SMPDL3A: variants seen among roughly 807,000 people sequenced by gnomAD.
SMPDL3A encodes cyclic GMP-AMP phosphodiesterase SMPDL3A.
Under a neutral mutation model 38.5 loss-of-function variants are expected in SMPDL3A, and 39 were observed. That is an observed-to-expected ratio of 1.01 (90% CI 0.78 to 1.32). The LOEUF is 1.32. Ranked by LOEUF, SMPDL3A falls within the 40% of genes most tolerant of loss-of-function variation. The pLI, the probability that SMPDL3A is intolerant of heterozygous loss-of-function variation, is 0.00. For synonymous variants in SMPDL3A, 180 were observed against 194.3 expected (o/e 0.93, Z 0.61); for missense variants, 502 against 536.2 (o/e 0.94, Z 0.63).
intron 1 of SMPDL3A, 66 bp downstream of exon 1, chr6:122,789,524 A>G: frequency 7.4e-7 from 1 of 1,354,464 alleles, no homozygotes; most frequent in Non-Finnish European, 1.0e-6. Context: ...GCCTGCGCAC[A>G]GCAGGAGAAA....
chr6:122,803,055 GCATAGTGAGTAGGCT>G (rs1781477993), intron 4 of SMPDL3A, among the ~76,000 whole-genome samples: 1 of 152,220 alleles, frequency 6.6e-6, no homozygotes. Flanking sequence ...GGAAAGCCGT[GCATAGTGAGTAGGCT>G]CAGGGCAAAG....
intron 7 of SMPDL3A, 67 bp downstream of exon 7, chr6:122,806,424 T>C: frequency 1.3e-6 from 2 of 1,498,796 alleles, no homozygotes; most frequent in Non-Finnish European, 1.8e-6. Context: ...ATTAATTTAG[T>C]TGAATTTTTC....
chr6:122,804,989 G>A lies in SMPDL3A; in HGVS notation c.819G>A (p.Glu273=), dbSNP rs955688190. ...CAGCAATGAGAGAATACTATAATGA[G>A]AAATTGATAGATATTTTTCAAAAAT... ...NITAMREYYN[E]KLIDIFQKYS... is the part of the protein sequence containing the mutation. The change falls in exon 6 of 8, where the codon GAG becomes GAA. Residue 273 remains glutamate (E), a synonymous_variant. Coordinates refer to ENST00000368440, the MANE Select transcript of SMPDL3A (RefSeq NM_006714.5). 12 of 1,613,302 alleles carry A rather than the reference G, an allele frequency of 7.4e-6. No homozygotes were observed. Among genetic ancestry groups the A allele is most frequent in the Non-Finnish European group, 1.0e-5 (12 of 1,179,700 alleles).
intron 1 of SMPDL3A, among the ~76,000 whole-genome samples, chr6:122,791,416 A>T (rs55846058): frequency 0.023 from 3,562 of 152,300 alleles, 48 homozygotes; most frequent in Non-Finnish European, 0.036. Context: ...ATGAGACTGA[A>T]AACCTAACTT....
intron 1 of SMPDL3A, 134 bp from the exon 2 acceptor site, chr6:122,795,543 A>G (rs1041381954): frequency 1.5e-6 from 1 of 661,310 alleles, no homozygotes; most frequent in South Asian, 2.0e-5. Context: ...TTCGAGGCTT[A>G]TGAACATTTA....
At chr6:122,792,808 C>T (rs1298962411) in intron 1 of SMPDL3A, among the ~76,000 whole-genome samples, 1 of 152,032 alleles carries the variant, frequency 6.6e-6, no homozygotes, top group African/African-American at 2.4e-5. Flanking sequence ...TCTCAAAATC[C>T]TGAGCTCAAG....
intron 1 of SMPDL3A, among the ~76,000 whole-genome samples, chr6:122,790,694 GT>G (rs1323421559): frequency 6.6e-6 from 1 of 152,188 alleles, no homozygotes; most frequent in Non-Finnish European, 1.5e-5. Flanking sequence ...TCCCCAAAAT[GT>G]TTATGTATAC....
In SMPDL3A at chr6:122,796,807, T is replaced by C; in HGVS notation, c.327-17T>C. On this transcript the variant is annotated splice_polypyrimidine_tract_variant and intron_variant, in intron 2 of 7. Coordinates refer to ENST00000368440, the MANE Select transcript of SMPDL3A (RefSeq NM_006714.5). The stretch of plus-strand genomic sequence containing the variant: ...ATGAAACTGATTTTGTTCTTTACAA[T>C]CTCTCTCTTTTTTCAGGGATAGCCC... 6.2e-7 allele frequency: 1 copy of C among 1,601,466 alleles called. No individual in the cohort carries two copies. The highest frequency in any genetic ancestry group is 8.5e-7 in the Non-Finnish European group (1 of 1,171,162).
At chr6:122,801,947 A>T (rs1278758360) in intron 4 of SMPDL3A, among the ~76,000 whole-genome samples, 1 of 152,224 alleles carries the variant, frequency 6.6e-6, no homozygotes, top group African/African-American at 2.4e-5. Flanking sequence ...TTGTGAGCTT[A>T]ACTGAGGTGT....
chr6:122,807,131 G>A (rs1487744381), intron 7 of SMPDL3A, among the ~76,000 whole-genome samples: 1 of 151,896 alleles, frequency 6.6e-6, no homozygotes, highest in Admixed American at 6.6e-5. Context: ...GAACTCTTGG[G>A]CTCAAGTGAT....
At chr6:122,789,675 G>A (rs898481451) in intron 1 of SMPDL3A, 1 of 345,142 alleles carries the variant, frequency 2.9e-6, no homozygotes, top group Non-Finnish European at 4.1e-6. Flanking sequence ...GGCCGGGGCT[G>A]GGCGGGGGAA....
At chr6:122,802,304 C>T (rs1379089462) in intron 4 of SMPDL3A, among the ~76,000 whole-genome samples, 10 of 151,042 alleles carry the variant, frequency 6.6e-5, no homozygotes, top group Middle Eastern at 3.4e-3. Flanking sequence ...TGGTTTCAAG[C>T]GATTCTCCTG....
At chr6:122,791,372 T>A (rs776473803) in intron 1 of SMPDL3A, among the ~76,000 whole-genome samples, 4 of 152,152 alleles carry the variant, frequency 2.6e-5, no homozygotes, top group Admixed American at 6.5e-5. Context: ...ATTTGAATCC[T>A]TGTGAATGAA....
In SMPDL3A at chr6:122,801,183, A is replaced by T. The variant is rs189106670; in HGVS notation, c.472-127A>T. ...CTAAGTTATAATTCCTTGAAGATGAAGTCTATCTAATAATCATCCTTGCAT... is the reference window on the plus strand; with the variant it reads ...CTAAGTTATAATTCCTTGAAGATGATGTCTATCTAATAATCATCCTTGCAT... On this transcript the variant is annotated intron_variant, in intron 3 of 7. Transcript: ENST00000368440. 211 of 670,082 alleles carry T rather than the reference A, an allele frequency of 3.1e-4. No homozygotes were observed. In the African/African-American group the frequency reaches 3.5e-3, roughly 11 times the overall value. The allele number at this position is 670,082 out of a possible 1,614,324, so 41.5% of individuals were successfully genotyped here.
Position 122,809,609 on chromosome 6 carries a change from T to A in SMPDL3A, c.*201T>A, listed in dbSNP as rs1452414355. 4.6e-6 allele frequency: 2 copies of A among 438,230 alleles called. No individual in the cohort carries two copies. Among genetic ancestry groups the A allele is most frequent in the African/African-American group, 2.0e-5 (1 of 50,550 alleles). 27.1% of individuals were successfully genotyped at this position (438,230 alleles called of 1,614,324 possible). On this transcript the variant is annotated 3_prime_UTR_variant, in exon 8 of 8. Transcript: ENST00000368440. ...ATTATATATTTAAAGTGCTCATTAA[T>A]AGAATGATGGATGTAAATTGGATGT...
At chr6:122,807,478 G>A (rs1266473771) in intron 7 of SMPDL3A, among the ~76,000 whole-genome samples, 3 of 152,118 alleles carry the variant, frequency 2.0e-5, no homozygotes, top group Non-Finnish European at 4.4e-5. Flanking sequence ...CAGCCTGGGC[G>A]ACAGAGCGAG....
chr6:122,797,127 T>C, intron 3 of SMPDL3A, 159 bp downstream of exon 3: 1 of 517,724 alleles, frequency 1.9e-6, no homozygotes, highest in Non-Finnish European at 3.4e-6. Context: ...AGACAAGTAC[T>C]TCGGGGACTG....
chr6:122,800,338 T>C (rs1222191652), intron 3 of SMPDL3A, among the ~76,000 whole-genome samples: 1 of 152,212 alleles, frequency 6.6e-6, no homozygotes. Context: ...ATCAAAAGCA[T>C]GTGGTTGTAA....
chr6:122,789,461 G>A lies in SMPDL3A; in HGVS notation c.112+3G>A. On this transcript the variant is annotated splice_donor_region_variant and intron_variant, in intron 1 of 7. Transcript: ENST00000368440. ...CAGGAATCCTCCTCCGGCGATAGGTGAGTTGTCCGCGACCCTTCTCTTCCC... is the reference window on the plus strand; with the variant it reads ...CAGGAATCCTCCTCCGGCGATAGGTAAGTTGTCCGCGACCCTTCTCTTCCC... 1 of 1,547,310 alleles carries A rather than the reference G, an allele frequency of 6.5e-7. No homozygotes were observed. The highest frequency in any genetic ancestry group is 1.2e-5 in the South Asian group (1 of 83,954).
Sources: allele counts gnomAD v4.1 joint callset (sites outside exome capture counted in the v4.1 genomes callset), GRCh38; gene constraint gnomAD v4.1.1; transcripts MANE v1.5; gene names NCBI Gene and HGNC (gene_info 2026-07-23, HGNC 2026-07-21).